The following TTC7B variants were observed in gnomAD, a reference collection of about 807,000 sequenced individuals.
TTC7B encodes the protein tetratricopeptide repeat protein 7B.
Under a neutral mutation model 106.8 loss-of-function variants are expected in TTC7B, and 28 were observed. The observed-to-expected ratio is 0.26, with a 90% CI of 0.19 to 0.36. TTC7B has a LOEUF of 0.36. Ranked by LOEUF, TTC7B falls within the 10% of genes least tolerant of loss-of-function variation. The pLI is 1.00. For synonymous variants in TTC7B, 405 were observed against 430.6 expected, an observed-to-expected ratio of 0.94 and a Z score of 0.74; for missense variants, 862 against 1,076.4, an observed-to-expected ratio of 0.80 and a Z score of 2.79.
chr14:90,786,121 C>T, intron 2 of TTC7B, 53 bp downstream of exon 2: 5 of 1,471,850 alleles, frequency 3.4e-6, no homozygotes, highest in Non-Finnish European at 4.5e-6. Context: ...GCACCCTTCT[C>T]AACCCCACAC....
At chr14:90,564,269 G>T (rs1890698820) in intron 19 of TTC7B, among the ~76,000 whole-genome samples, 2 of 152,030 alleles carry the variant, frequency 1.3e-5, no homozygotes, top group Non-Finnish European at 2.9e-5. Flanking sequence ...CATTGTCACT[G>T]AACAATAATA....
intron 3 of TTC7B, among the ~76,000 whole-genome samples, chr14:90,776,963 T>C (rs4904727): frequency 0.27 from 41,308 of 152,204 alleles, 9,189 homozygotes; most frequent in African/African-American, 0.62. Flanking sequence ...AGGCTGGGCA[T>C]GGTGGCTCAT....
chr14:90,558,337 A>G (rs1890412572), intron 19 of TTC7B, among the ~76,000 whole-genome samples: 1 of 152,246 alleles, frequency 6.6e-6, no homozygotes, highest in Non-Finnish European at 1.5e-5. Context: ...CCAAAGTCCC[A>G]GCTTCAACAC....
intron 4 of TTC7B, among the ~76,000 whole-genome samples, chr14:90,743,816 T>G (rs1796016776): frequency 6.6e-6 from 1 of 152,146 alleles, no homozygotes; most frequent in Non-Finnish European, 1.5e-5. Flanking sequence ...AGAAACTTAG[T>G]AAAGAGTAGA....
At chr14:90,791,809 T>A (rs1026079832) in intron 1 of TTC7B, among the ~76,000 whole-genome samples, 1 of 151,974 alleles carries the variant, frequency 6.6e-6, no homozygotes, top group Admixed American at 6.6e-5. Flanking sequence ...GCTTGCTAGA[T>A]CCCCAACACC....
At chr14:90,556,895 C>T (rs993828343) in intron 19 of TTC7B, among the ~76,000 whole-genome samples, 4 of 152,210 alleles carry the variant, frequency 2.6e-5, no homozygotes, top group African/African-American at 9.6e-5. Context: ...AGAGGCTGAG[C>T]TCCCCCAGAA....
chr14:90,593,698 C>T (rs1892074078), intron 17 of TTC7B, 72 bp from the exon 18 acceptor site: 3 of 1,419,304 alleles, frequency 2.1e-6, no homozygotes, highest in African/African-American at 1.4e-5. Context: ...CCTTCCCACA[C>T]AGACAAGCGC....
In TTC7B at chr14:90,538,286, G is replaced by A. The variant is rs1294565; in HGVS notation, c.*3082C>T. The A allele has an allele frequency of 0.65, 97,481 of 148,910 alleles. 32,540 individuals carry two copies. Among genetic ancestry groups the A allele is most frequent in the South Asian group, 0.75 (3,575 of 4,782 alleles). The allele number at this position is 148,910 out of a possible 1,614,324, so 9.2% of individuals were successfully genotyped here. A position where few individuals can be genotyped will look rare whatever the true frequency, so the allele number is the denominator to read the frequency against. ...TGGATGGATGGATGGATGGATGGAC[G>A]GACGGACGGACGGGTGGACGGATGA... On this transcript the variant is annotated 3_prime_UTR_variant, in exon 20 of 20. Transcript: ENST00000328459.
At chr14:90,654,773 C>A (rs1566820347) in intron 12 of TTC7B, among the ~76,000 whole-genome samples, 1 of 152,172 alleles carries the variant, frequency 6.6e-6, no homozygotes, top group Admixed American at 6.5e-5. Context: ...AAAAATGAGG[C>A]CTGGGAGCCC....
At chr14:90,753,254 C>A (rs6575147) in intron 3 of TTC7B, among the ~76,000 whole-genome samples, 101,235 of 152,190 alleles carry the variant, frequency 0.67, 34,450 homozygotes, top group African/African-American at 0.8. Flanking sequence ...ACAGGTACAC[C>A]CTGATGCTTT....
chr14:90,801,775 G>A lies in TTC7B; in HGVS notation c.121+14400C>T, dbSNP rs965571726. 5.3e-5 allele frequency among the ~76,000 whole-genome samples: 8 copies of A among 152,306 alleles called. No individual in the cohort carries two copies. The South Asian group carries it at 1.4e-3, about 28-fold the overall frequency. On this transcript the variant is annotated intron_variant, in intron 1 of 19. Transcript: ENST00000328459. Reference sequence around the variant, plus strand: ...TGAGTGCATTGAAAGCTGCTGGAGCGCCGGGCACGGTGGCTCACGCCTGTA... The same window carrying A: ...TGAGTGCATTGAAAGCTGCTGGAGCACCGGGCACGGTGGCTCACGCCTGTA...
rs1889182951 is a variant in TTC7B, at chr14:90,527,834, C to G, written c.*13534G>C. 6.6e-6 allele frequency: 1 copy of G among 151,298 alleles called. No individual in the cohort carries two copies. Among genetic ancestry groups the G allele is most frequent in the Admixed American group, 6.6e-5 (1 of 15,224 alleles). The allele number at this position is 151,298 out of a possible 1,614,324, so 9.4% of individuals were successfully genotyped here. A position where few individuals can be genotyped will look rare whatever the true frequency, so the allele number is the denominator to read the frequency against. On this transcript the variant is annotated 3_prime_UTR_variant, in exon 20 of 20. Transcript: ENST00000328459. ...TCAGCCTCCCAAAGTGCTGGGATTT[C>G]AGGCGTGAGCCACTGCGCCTGGCAG...
At position 90,600,408 on chromosome 14, in the gene TTC7B, A is replaced by T. The variant is rs1214331424; in HGVS notation, c.1967-6782T>A. Among the ~76,000 whole-genome samples the T allele has an allele frequency of 2.0e-5, 3 of 152,042 alleles. No homozygotes were observed. The highest frequency in any genetic ancestry group is 4.4e-5 in the Non-Finnish European group (3 of 67,986). ...GACAGCAGGGGCGGGGCCGCTGCCC[A>T]CCCAGTCCCACCAACCATGAGGGCT... On this transcript the variant is annotated intron_variant, in intron 17 of 19. Transcript: ENST00000328459. The surrounding 1 kb of genome is among the most constrained non-coding windows in gnomAD (Gnocchi z 4.3).
At chr14:90,694,683 A>T (rs1792980776) in intron 6 of TTC7B, among the ~76,000 whole-genome samples, 1 of 142,310 alleles carries the variant, frequency 7.0e-6, no homozygotes, top group African/African-American at 2.5e-5. Flanking sequence ...GTATATTTTT[A>T]TTTTATTATA....
intron 19 of TTC7B, among the ~76,000 whole-genome samples, chr14:90,574,764 A>C (rs1891188864): frequency 6.6e-6 from 1 of 152,164 alleles, no homozygotes; most frequent in Admixed American, 6.5e-5. Flanking sequence ...TGACACAGAC[A>C]ATGAGGCTTC....
At chr14:90,553,113 A>G (rs75411204) in intron 19 of TTC7B, among the ~76,000 whole-genome samples, 2,456 of 152,232 alleles carry the variant, frequency 0.016, 73 homozygotes, top group African/African-American at 0.056. Flanking sequence ...AGGAGGGAGC[A>G]GGGGAGACCC....
chr14:90,578,138 T>A lies in TTC7B; in HGVS notation c.2278A>T (p.Ser760Cys). The A allele has an allele frequency of 1.2e-6, 2 of 1,612,766 alleles. No homozygotes were observed. Among genetic ancestry groups the A allele is most frequent in the Non-Finnish European group, 1.7e-6 (2 of 1,179,510 alleles). The change falls in exon 19 of 20, where the codon AGC becomes TGC. Residue 760 changes from serine to cysteine, a missense_variant. Transcript: ENST00000328459. This position sits in a 1 kb window ranked among gnomAD's most constrained non-coding sequence, Gnocchi z 4.7. ...TGCATGCTCTTCACGTGGGTGGGGC[T>A]GATGGCTAAGGCCTCTTCATACCAC... ...RRWYEEALAISPTHVKSMQRL... is the reference protein window; with the variant it reads ...RRWYEEALAICPTHVKSMQRL...
chr14:90,706,161 A>ATT (rs59137630), intron 5 of TTC7B, among the ~76,000 whole-genome samples: 35 of 128,458 alleles, frequency 2.7e-4, no homozygotes, highest in African/African-American at 8.0e-4. Flanking sequence ...AGCTGGAATA[A>ATT]TTTTTTTTTT....
In TTC7B at chr14:90,529,015, G is replaced by A. The variant is rs1889217628; in HGVS notation, c.*12353C>T. ...CAATGGCGTGACCTGACTGAGCTTT[G>A]TTACCTGTTTCTGATGGTGTGACCT... On this transcript the variant is annotated 3_prime_UTR_variant, in exon 20 of 20. Transcript: ENST00000328459. 6.5e-6 allele frequency: 1 copy of A among 154,352 alleles called. No individual in the cohort carries two copies. Among genetic ancestry groups the A allele is most frequent in the African/African-American group, 2.4e-5 (1 of 40,966 alleles). 9.6% of individuals were successfully genotyped at this position (154,352 alleles called of 1,614,324 possible).
Sources: gnomAD v4.1 joint callset for allele counts (sites outside exome capture counted in the v4.1 genomes callset) on GRCh38, gnomAD v4.1.1 for gene constraint, Gnocchi (gnomAD v3.1) non-coding constraint, MANE v1.5 for transcripts, NCBI Gene and HGNC (gene_info 2026-07-23, HGNC 2026-07-21) for gene names.